Variants in DDAH1 observed in about 807,000 individuals in gnomAD.
DDAH1 encodes the protein dimethylarginine dimethylaminohydrolase 1.
In DDAH1, 19 loss-of-function variants were observed where a neutral mutation model predicts 28.8. The ratio of observed to expected loss-of-function variants is 0.66; its 90% CI spans 0.46 to 0.97. The LOEUF is 0.97. Ranked by LOEUF, DDAH1 falls within the 50% of genes least tolerant of loss-of-function variation. The pLI is 0.00. For synonymous variants in DDAH1, 153 were observed against 154.4 expected, an observed-to-expected ratio of 0.99 and a Z score of 0.07; for missense variants, 326 against 375.9, an observed-to-expected ratio of 0.87 and a Z score of 1.10.
chr1:85,403,479 T>C (rs1010735228), intron 1 of DDAH1, among the ~76,000 whole-genome samples: 3 of 152,186 alleles, frequency 2.0e-5, no homozygotes, highest in Admixed American at 6.5e-5. Flanking sequence ...CACAGTGTCC[T>C]GGAGCATTTG....
chr1:85,408,202 G>C (rs1652496553), intron 1 of DDAH1, among the ~76,000 whole-genome samples: 2 of 152,056 alleles, frequency 1.3e-5, no homozygotes, highest in Non-Finnish European at 2.9e-5. Context: ...TGTAAGCATA[G>C]AGCATGGAAC....
chr1:85,449,360 T>C (rs568755540), intron 1 of DDAH1, among the ~76,000 whole-genome samples: 2 of 152,184 alleles, frequency 1.3e-5, no homozygotes, highest in South Asian at 4.2e-4. Context: ...TTGCAGGGAA[T>C]CTAGGTAGGA....
At chr1:85,572,355 G>A (rs1372844410) in intron 1 of DDAH1, among the ~76,000 whole-genome samples, 6 of 152,126 alleles carry the variant, frequency 3.9e-5, no homozygotes, top group African/African-American at 1.2e-4. Context: ...AAGTCAAGAA[G>A]TTGCAGGCAA....
At chr1:85,530,159 G>A (rs1160290919) in intron 1 of DDAH1, among the ~76,000 whole-genome samples, 1 of 152,208 alleles carries the variant, frequency 6.6e-6, no homozygotes, top group Non-Finnish European at 1.5e-5. Context: ...ATGTGAGGGA[G>A]GGAGGTAATA....
chr1:85,477,153 C>T (rs186500929), intron 2 of DDAH1, among the ~76,000 whole-genome samples: 51 of 152,128 alleles, frequency 3.4e-4, no homozygotes, highest in Non-Finnish European at 6.5e-4. Context: ...CAAACTGAGC[C>T]GAGCATATGA....
chr1:85,502,892 C>T (rs544343207), intron 1 of DDAH1, among the ~76,000 whole-genome samples: 16 of 152,302 alleles, frequency 1.1e-4, no homozygotes, highest in Non-Finnish European at 2.2e-4. Flanking sequence ...CACTCGGGGC[C>T]TCTGCCTGCC....
rs564406705 is a variant in DDAH1 at position 85,351,462 on chromosome 1, TTAAG to T, written c.477+40_477+43del. Reference sequence around the variant, plus strand: ...GATTCAATGGTTCTATGATTATTTATTAAGTAATTGCTTTGTGCCAGGCATAAAC... The same window carrying T: ...GATTCAATGGTTCTATGATTATTTATTAATTGCTTTGTGCCAGGCATAAAC... On this transcript the variant is annotated intron_variant, in intron 3 of 5. Coordinates refer to ENST00000284031, the MANE Select transcript of DDAH1 (RefSeq NM_012137.4). The T allele has an allele frequency of 4.7e-5, 68 of 1,444,038 alleles. No homozygotes were observed. The African/African-American group carries it at 8.4e-4, about 18-fold the overall frequency. 89.5% of individuals were successfully genotyped at this position (1,444,038 alleles called of 1,614,324 possible).
At chr1:85,424,163 C>T (rs990489857) in intron 1 of DDAH1, among the ~76,000 whole-genome samples, 1 of 152,046 alleles carries the variant, frequency 6.6e-6, no homozygotes, top group African/African-American at 2.4e-5. Context: ...GAACTATTGG[C>T]CTATAGGCCT....
chr1:85,542,724 C>T (rs887882296), intron 1 of DDAH1, among the ~76,000 whole-genome samples: 2 of 152,210 alleles, frequency 1.3e-5, no homozygotes, highest in Admixed American at 6.5e-5. Context: ...CACTTTCACA[C>T]ATATGACCTC....
At chr1:85,534,233 C>T (rs1158032809) in intron 1 of DDAH1, among the ~76,000 whole-genome samples, 6 of 152,174 alleles carry the variant, frequency 3.9e-5, no homozygotes, top group Non-Finnish European at 7.3e-5. Context: ...CATCTCACGT[C>T]AGTGCAGTAA....
At chr1:85,393,361 A>T (rs1188148180) in intron 1 of DDAH1, among the ~76,000 whole-genome samples, 3 of 152,196 alleles carry the variant, frequency 2.0e-5, no homozygotes, top group African/African-American at 7.2e-5. Flanking sequence ...TATCAAATCC[A>T]GTTCTATCCA....
At chr1:85,466,045 G>C (rs981478899), upstream of DDAH1, among the ~76,000 whole-genome samples, 1 of 152,198 alleles carries the variant, frequency 6.6e-6, no homozygotes, top group South Asian at 2.1e-4. Context: ...CAAGGCCCAG[G>C]CTACAGCCTT....
chr1:85,459,148 T>C (rs1303301459), intron 1 of DDAH1, among the ~76,000 whole-genome samples: 4 of 152,274 alleles, frequency 2.6e-5, no homozygotes, highest in African/African-American at 9.6e-5. Flanking sequence ...TTGTGGTTTA[T>C]ATTAATGGAT....
intron 4 of DDAH1, among the ~76,000 whole-genome samples, chr1:85,325,229 T>A (rs1647297665): frequency 6.6e-6 from 1 of 152,248 alleles, no homozygotes; most frequent in Non-Finnish European, 1.5e-5. Context: ...GGGGTTTTGA[T>A]ATCTTTGGCT....
At chr1:85,577,031 A>G (rs1218410312) in intron 1 of DDAH1, among the ~76,000 whole-genome samples, 1 of 151,610 alleles carries the variant, frequency 6.6e-6, no homozygotes, top group Non-Finnish European at 1.5e-5. Context: ...TTCACCAAAT[A>G]TGGGCCGGGG....
chr1:85,384,959 T>C (rs919604844), intron 1 of DDAH1, among the ~76,000 whole-genome samples: 4 of 152,240 alleles, frequency 2.6e-5, no homozygotes, highest in Admixed American at 2.6e-4. Context: ...CTAATGGAAC[T>C]TGGAAGCTAA....
At chr1:85,463,735 G>GA (rs547432212) in intron 1 of DDAH1, among the ~76,000 whole-genome samples, 51 of 151,386 alleles carry the variant, frequency 3.4e-4, no homozygotes, top group Non-Finnish European at 6.9e-4. Flanking sequence ...AGACAAAATA[G>GA]AAAAAAAATT....
intron 1 of DDAH1, among the ~76,000 whole-genome samples, chr1:85,570,283 C>T (rs1659413455): frequency 6.6e-6 from 1 of 151,570 alleles, no homozygotes; most frequent in Non-Finnish European, 1.5e-5. Flanking sequence ...CTGATATTTT[C>T]TATTTTTGTT....
chr1:85,456,095 G>GA (rs769288), intron 1 of DDAH1, among the ~76,000 whole-genome samples: 20,842 of 142,616 alleles, frequency 0.15, 1,488 homozygotes, highest in East Asian at 0.25. Flanking sequence ...GTTCCAAAAA[G>GA]AAAAAAAAAA....
Sources: gnomAD v4.1 joint callset for allele counts (sites outside exome capture counted in the v4.1 genomes callset) on GRCh38, gnomAD v4.1.1 for gene constraint, MANE v1.5 for transcripts, NCBI Gene and HGNC (gene_info 2026-07-23, HGNC 2026-07-21) for gene names.